DSCAM: variants seen among roughly 807,000 people sequenced by gnomAD.
The protein encoded by DSCAM is DS cell adhesion molecule.
A neutral mutation model predicts 217.7 loss-of-function variants in DSCAM; 47 were observed. That is an observed-to-expected ratio of 0.22 (90% CI 0.17 to 0.28). The LOEUF (loss-of-function observed/expected upper bound fraction) is 0.28. DSCAM is among the 10% of genes least tolerant of loss of function. The pLI is 1.00. For synonymous variants in DSCAM, 1,056 were observed against 1,015.3 expected (o/e 1.04, Z -0.76); for missense variants, 2,080 against 2,618.3 (o/e 0.79, Z 4.49).
chr21:40,290,535 C>T (rs2073878585), intron 10 of DSCAM, among the ~76,000 whole-genome samples: 1 of 152,144 alleles, frequency 6.6e-6, no homozygotes, highest in African/African-American at 2.4e-5. Context: ...GCAGAAGAAT[C>T]TCTTGAACCC....
At chr21:40,656,173 G>A (rs1374622829) in intron 3 of DSCAM, among the ~76,000 whole-genome samples, 1 of 152,168 alleles carries the variant, frequency 6.6e-6, no homozygotes, top group Non-Finnish European at 1.5e-5. Context: ...TCCACCATAT[G>A]AATTTTGGGG....
At chr21:40,175,639 G>A (rs2090716295) in intron 15 of DSCAM, among the ~76,000 whole-genome samples, 1 of 151,962 alleles carries the variant, frequency 6.6e-6, no homozygotes, top group African/African-American at 2.4e-5. Flanking sequence ...CTTCCTAAAG[G>A]CCCCACTTCT....
intron 1 of DSCAM, among the ~76,000 whole-genome samples, chr21:40,757,174 C>T (rs1211619354): frequency 6.6e-6 from 1 of 152,072 alleles, no homozygotes; most frequent in Non-Finnish European, 1.5e-5. Context: ...CAGGTGCCCA[C>T]CACCAAGCCC....
intron 27 of DSCAM, among the ~76,000 whole-genome samples, chr21:40,070,246 T>C (rs1487370228): frequency 5.9e-5 from 5 of 85,074 alleles, no homozygotes; most frequent in Non-Finnish European, 8.4e-5. Flanking sequence ...GGAAGGAAGG[T>C]AGGGAAGGAG....
chr21:40,348,997 C>T (rs904353705), intron 5 of DSCAM, among the ~76,000 whole-genome samples: 4 of 151,182 alleles, frequency 2.6e-5, no homozygotes, highest in African/African-American at 2.4e-5. Context: ...ATTAGCCGGG[C>T]GTGGTGGCGG....
At chr21:40,484,863 A>G (rs9982310) in intron 3 of DSCAM, among the ~76,000 whole-genome samples, 74,051 of 151,984 alleles carry the variant, frequency 0.49, 18,353 homozygotes, top group African/African-American at 0.57. Flanking sequence ...GCTGTCATCT[A>G]TAAGTTCTTG....
At chr21:40,647,416 A>G (rs1023545873) in intron 3 of DSCAM, among the ~76,000 whole-genome samples, 2 of 152,254 alleles carry the variant, frequency 1.3e-5, no homozygotes, top group African/African-American at 4.8e-5. Flanking sequence ...AAATCTGATT[A>G]AACATCAATC....
intron 11 of DSCAM, among the ~76,000 whole-genome samples, chr21:40,192,175 C>A (rs1050088046): frequency 6.6e-6 from 1 of 152,092 alleles, no homozygotes; most frequent in African/African-American, 2.4e-5. Flanking sequence ...TTTCTCCTGC[C>A]CATTTGCAGT....
intron 5 of DSCAM, among the ~76,000 whole-genome samples, chr21:40,352,116 C>T (rs1056182835): frequency 1.3e-5 from 2 of 152,162 alleles, no homozygotes; most frequent in African/African-American, 4.8e-5. Context: ...AAATAACTCC[C>T]ACATGCTTAG....
Position 40,353,604 on chromosome 21 carries a change from C to G in DSCAM, c.795G>C (p.Leu265=), listed in dbSNP as rs773784417. The G allele has an allele frequency of 1.4e-5, 22 of 1,611,440 alleles. No individual in the cohort carries two copies. Among genetic ancestry groups the G allele is most frequent in the Non-Finnish European group, 1.8e-5 (21 of 1,179,424 alleles). The change falls in exon 5 of 33, where the codon CTG becomes CTC. Residue 265 remains leucine, a synonymous_variant. Transcript: ENST00000400454. ...DYRWLKDNMP[L]ELSGRFQKTV... The stretch of plus-strand genomic sequence containing the variant: ...TCTTCTGGAACCTCCCTGAAAGTTC[C>G]AGGGGCATGTTGTCCTTCAGCCAGC...
chr21:40,085,954 T>C (rs2089527053), intron 22 of DSCAM, among the ~76,000 whole-genome samples, 189 bp from the exon 23 acceptor site: 2 of 152,228 alleles, frequency 1.3e-5, no homozygotes, highest in Non-Finnish European at 2.9e-5. Flanking sequence ...GAAGTTTTCC[T>C]TTGTAAAAAA....
chr21:40,375,222 G>A (rs1465596675), intron 3 of DSCAM, among the ~76,000 whole-genome samples: 1 of 152,052 alleles, frequency 6.6e-6, no homozygotes, highest in African/African-American at 2.4e-5. Flanking sequence ...ACACATCTAA[G>A]GATTGTAGCT....
chr21:40,484,452 T>A (rs983330437), intron 3 of DSCAM, among the ~76,000 whole-genome samples: 1 of 152,200 alleles, frequency 6.6e-6, no homozygotes, highest in African/African-American at 2.4e-5. Flanking sequence ...TTTTGCCCCA[T>A]AGAAAACAAA....
rs367813519 is a variant in DSCAM at position 40,030,853 on chromosome 21, C to T, written c.5686+11518G>A. 4.6e-5 allele frequency among the ~76,000 whole-genome samples: 7 copies of T among 152,266 alleles called. No homozygotes were observed. In the East Asian group the frequency reaches 1.4e-3, roughly 29 times the overall value. On this transcript the variant is annotated intron_variant, in intron 32 of 32. Coordinates refer to ENST00000400454, the MANE Select transcript of DSCAM (RefSeq NM_001389.5). ...ACAGTAGGACCTGTTCTGAGGGGTT[C>T]TCAAGCTTAGAACTCTAAGCCCTTT...
At chr21:40,206,448 C>T (rs1554937) in intron 11 of DSCAM, among the ~76,000 whole-genome samples, 78,200 of 151,882 alleles carry the variant, frequency 0.51, 21,433 homozygotes, top group Non-Finnish European at 0.6. Flanking sequence ...CCAGAGGCTG[C>T]ACATTCTACA....
At chr21:40,243,976 G>A (rs1253042599) in intron 11 of DSCAM, among the ~76,000 whole-genome samples, 1 of 152,130 alleles carries the variant, frequency 6.6e-6, no homozygotes, top group Non-Finnish European at 1.5e-5. Context: ...CACAGCTAAA[G>A]ACAAGTGGAA....
At chr21:40,640,994 A>G (rs1320238842) in intron 3 of DSCAM, among the ~76,000 whole-genome samples, 1 of 152,220 alleles carries the variant, frequency 6.6e-6, no homozygotes, top group African/African-American at 2.4e-5. Context: ...TATCTAGTCT[A>G]TTGTGTTCAT....
At chr21:40,712,591 G>A (rs2090794012) in intron 1 of DSCAM, among the ~76,000 whole-genome samples, 2 of 151,534 alleles carry the variant, frequency 1.3e-5, no homozygotes, top group Non-Finnish European at 2.9e-5. Context: ...TGCCTAGCAA[G>A]CTGTGTGTGT....
intron 32 of DSCAM, among the ~76,000 whole-genome samples, chr21:40,035,722 GCACCA>G (rs2088607940): frequency 6.6e-6 from 1 of 150,796 alleles, no homozygotes; most frequent in Non-Finnish European, 1.5e-5. Flanking sequence ...ATTTTTTTCA[GCACCA>G]CACCACACGT....
Sources: gnomAD v4.1 joint callset for allele counts (sites outside exome capture counted in the v4.1 genomes callset) on GRCh38, gnomAD v4.1.1 for gene constraint, MANE v1.5 for transcripts, NCBI Gene and HGNC (gene_info 2026-07-23, HGNC 2026-07-21) for gene names.